The following CACNG2 variants were observed in gnomAD, a reference collection of about 807,000 sequenced individuals.
CACNG2 encodes voltage-dependent calcium channel gamma-2 subunit.
Under a neutral mutation model 25.9 loss-of-function variants are expected in CACNG2, and 3 were observed. The ratio of observed to expected loss-of-function variants is 0.12; its 90% CI spans 0.05 to 0.30. The LOEUF (loss-of-function observed/expected upper bound fraction) is 0.30. Ranked by LOEUF, CACNG2 falls within the 10% of genes least tolerant of loss-of-function variation. The pLI is 1.00. For synonymous variants in CACNG2, 167 were observed against 173.3 expected, an observed-to-expected ratio of 0.96 and a Z score of 0.29; for missense variants, 341 against 432.5, an observed-to-expected ratio of 0.79 and a Z score of 1.88.
intron 1 of CACNG2, among the ~76,000 whole-genome samples, chr22:36,634,310 A>G (rs1284224912): frequency 6.6e-6 from 1 of 152,204 alleles, no homozygotes; most frequent in Non-Finnish European, 1.5e-5. Context: ...CCTACCCATT[A>G]CAGCCTCTCC....
At chr22:36,661,146 T>A (rs1026501614) in intron 1 of CACNG2, among the ~76,000 whole-genome samples, 1 of 152,176 alleles carries the variant, frequency 6.6e-6, no homozygotes, top group Non-Finnish European at 1.5e-5. Context: ...AGAGCAGGCT[T>A]GGATTCAGTC....
chr22:36,627,450 T>C (rs1425091904), intron 1 of CACNG2, among the ~76,000 whole-genome samples: 2 of 152,090 alleles, frequency 1.3e-5, no homozygotes, highest in Admixed American at 6.6e-5. Context: ...GTAACACATA[T>C]AGTCTGTACA....
chr22:36,644,549 T>C (rs1936489893), intron 1 of CACNG2, among the ~76,000 whole-genome samples: 1 of 152,236 alleles, frequency 6.6e-6, no homozygotes. Flanking sequence ...AACTGCATGA[T>C]CAAGCTGAGA....
At chr22:36,686,343 C>T (rs1601456428) in intron 1 of CACNG2, among the ~76,000 whole-genome samples, 1 of 152,218 alleles carries the variant, frequency 6.6e-6, no homozygotes, top group Non-Finnish European at 1.5e-5. Context: ...AAGGAAAAAC[C>T]TCCGTTTCTT....
intron 1 of CACNG2, among the ~76,000 whole-genome samples, chr22:36,700,159 G>C (rs951291642): frequency 3.3e-5 from 5 of 152,374 alleles, no homozygotes; most frequent in South Asian, 2.1e-4. Flanking sequence ...CAATCCTTGG[G>C]AAGTGTTGCA....
intron 2 of CACNG2, among the ~76,000 whole-genome samples, chr22:36,569,582 C>T: frequency 6.6e-6 from 1 of 152,232 alleles, no homozygotes; most frequent in East Asian, 1.9e-4. Context: ...CTCTATACCC[C>T]AGGCTGGAGT....
intron 1 of CACNG2, among the ~76,000 whole-genome samples, chr22:36,631,268 A>G (rs1219727547): frequency 2.0e-5 from 3 of 152,146 alleles, no homozygotes; most frequent in Non-Finnish European, 4.4e-5. Context: ...ACTGCAATGC[A>G]GTGGAGGAAG....
At chr22:36,651,092 G>A (rs1298013663) in intron 1 of CACNG2, among the ~76,000 whole-genome samples, 7 of 151,966 alleles carry the variant, frequency 4.6e-5, no homozygotes, top group African/African-American at 1.7e-4. Context: ...TTGTCTCTAC[G>A]TAGCATGTGA....
At chr22:36,611,966 T>A (rs1173417384) in intron 1 of CACNG2, among the ~76,000 whole-genome samples, 5 of 152,154 alleles carry the variant, frequency 3.3e-5, no homozygotes, top group African/African-American at 1.2e-4. Flanking sequence ...GTAAACCGGG[T>A]TAATAACACC....
rs896071498 is a variant in CACNG2 at position 36,562,119 on chromosome 22, T to G, written c.*2232A>C. 6.5e-5 allele frequency: 10 copies of G among 152,678 alleles called. No individual in the cohort carries two copies. Among genetic ancestry groups the G allele is most frequent in the African/African-American group, 2.2e-4 (9 of 41,454 alleles). The allele number at this position is 152,678 out of a possible 1,614,324, so 9.5% of individuals were successfully genotyped here. ...CCCTCTTTGCCTGAACAGCTTTATG[T>G]TTGCTCACATGTGTGTATTTTTGCT... On this transcript the variant is annotated 3_prime_UTR_variant, in exon 4 of 4. Coordinates refer to ENST00000300105, the MANE Select transcript of CACNG2 (RefSeq NM_006078.5).
chr22:36,584,159 A>C (rs1935463358), intron 2 of CACNG2, among the ~76,000 whole-genome samples: 1 of 151,960 alleles, frequency 6.6e-6, no homozygotes, highest in African/African-American at 2.4e-5. Context: ...CTCAGAAACT[A>C]TCTCAGCTGG....
At position 36,564,273 on chromosome 22, in the gene CACNG2, G is replaced by T. The variant is rs1434092542; in HGVS notation, c.*78C>A. The T allele has an allele frequency of 4.6e-5, 61 of 1,337,140 alleles. No individual in the cohort carries two copies. Among genetic ancestry groups the T allele is most frequent in the Non-Finnish European group, 5.2e-5 (51 of 980,476 alleles). The allele number at this position is 1,337,140 out of a possible 1,614,324, so 82.8% of individuals were successfully genotyped here. On this transcript the variant is annotated 3_prime_UTR_variant, in exon 4 of 4. Coordinates refer to ENST00000300105, the MANE Select transcript of CACNG2 (RefSeq NM_006078.5). This position sits in a 1 kb window ranked among gnomAD's most constrained non-coding sequence, Gnocchi z 6.7. ...GCTTTTGGAAGGTCTCCCAGCGGAGGGTCTGGGTCTCCCCGCCCCGCCCCG... is the reference window on the plus strand; with the variant it reads ...GCTTTTGGAAGGTCTCCCAGCGGAGTGTCTGGGTCTCCCCGCCCCGCCCCG...
intron 1 of CACNG2, among the ~76,000 whole-genome samples, chr22:36,661,684 C>T (rs1004406901): frequency 6.6e-6 from 1 of 152,214 alleles, no homozygotes; most frequent in East Asian, 1.9e-4. Flanking sequence ...GTAACCGAGA[C>T]TGACAGTCCC....
chr22:36,599,279 T>G (rs990769042), intron 1 of CACNG2, among the ~76,000 whole-genome samples: 3 of 152,174 alleles, frequency 2.0e-5, no homozygotes, highest in Non-Finnish European at 4.4e-5. Flanking sequence ...AAAATCAAGC[T>G]GCAGAAAAAT....
intron 1 of CACNG2, among the ~76,000 whole-genome samples, chr22:36,628,453 C>T (rs1036135256): frequency 8.5e-5 from 13 of 152,196 alleles, no homozygotes; most frequent in Admixed American, 6.5e-5. Flanking sequence ...CTAGTTATAA[C>T]GAGCAAGGGA....
At chr22:36,643,520 C>CTATG (rs1555898332) in intron 1 of CACNG2, among the ~76,000 whole-genome samples, 1,951 of 151,470 alleles carry the variant, frequency 0.013, 43 homozygotes, top group African/African-American at 0.045. Flanking sequence ...ATCTATCTAT[C>CTATG]TATCCATCAT....
chr22:36,683,598 C>A (rs1018518152), intron 1 of CACNG2, among the ~76,000 whole-genome samples: 1 of 152,192 alleles, frequency 6.6e-6, no homozygotes, highest in African/African-American at 2.4e-5. Flanking sequence ...CAGGTATGAT[C>A]ATTATGGAGA....
At chr22:36,656,275 T>C (rs1305811473) in intron 1 of CACNG2, among the ~76,000 whole-genome samples, 1 of 152,202 alleles carries the variant, frequency 6.6e-6, no homozygotes, top group East Asian at 1.9e-4. Flanking sequence ...CCCTTGCAGT[T>C]ATGGTTCTAA....
intron 1 of CACNG2, among the ~76,000 whole-genome samples, chr22:36,610,791 T>A (rs1045987062): frequency 1.3e-5 from 2 of 152,144 alleles, no homozygotes; most frequent in Non-Finnish European, 2.9e-5. Context: ...GGAGGCTGAG[T>A]TGGTTGCACC....
Sources: gnomAD v4.1 joint callset for allele counts (sites outside exome capture counted in the v4.1 genomes callset) on GRCh38, gnomAD v4.1.1 for gene constraint, Gnocchi (gnomAD v3.1) non-coding constraint, MANE v1.5 for transcripts, NCBI Gene and HGNC (gene_info 2026-07-23, HGNC 2026-07-21) for gene names.